Variants in TTC7B observed in about 807,000 individuals in gnomAD.
TTC7B encodes tetratricopeptide repeat domain 7B.
A neutral mutation model predicts 106.8 loss-of-function variants in TTC7B; 28 were observed. That is an observed-to-expected ratio of 0.26 (90% CI 0.19 to 0.36). TTC7B has a LOEUF of 0.36. Among genes scored for constraint, TTC7B ranks in the 10% least tolerant of loss-of-function variants. TTC7B has a pLI of 1.00. For missense variants in TTC7B, 862 were observed against 1,076.4 expected, an observed-to-expected ratio of 0.80 and a Z score of 2.79; for synonymous variants, 405 against 430.6, an observed-to-expected ratio of 0.94 and a Z score of 0.74.
chr14:90,613,850 C>T (rs977243174), intron 16 of TTC7B, among the ~76,000 whole-genome samples: 2 of 152,258 alleles, frequency 1.3e-5, no homozygotes, highest in African/African-American at 4.8e-5. Context: ...GAGATGCCCA[C>T]ATGCGTAGAT....
intron 5 of TTC7B, among the ~76,000 whole-genome samples, chr14:90,707,707 T>G (rs1259340032): frequency 1.3e-5 from 2 of 152,246 alleles, no homozygotes; most frequent in Non-Finnish European, 2.9e-5. Context: ...AACATTCCCT[T>G]AAACCAAAGC....
At chr14:90,703,460 G>A (rs1226086860) in intron 5 of TTC7B, among the ~76,000 whole-genome samples, 1 of 152,172 alleles carries the variant, frequency 6.6e-6, no homozygotes, top group Non-Finnish European at 1.5e-5. Flanking sequence ...TCGAGTGTGA[G>A]GATAAGAGTG....
chr14:90,684,851 T>C (rs1199446280), intron 7 of TTC7B, among the ~76,000 whole-genome samples: 5 of 152,138 alleles, frequency 3.3e-5, no homozygotes, highest in African/African-American at 9.7e-5. Flanking sequence ...TTTTGATTTA[T>C]TTTTCTCTAT....
intron 3 of TTC7B, among the ~76,000 whole-genome samples, chr14:90,750,326 G>T (rs1427180090): frequency 6.6e-6 from 1 of 152,190 alleles, no homozygotes; most frequent in Non-Finnish European, 1.5e-5. Flanking sequence ...CCCAGAGTAT[G>T]TCAAAGGGTC....
chr14:90,760,493 A>G (rs920530061), intron 3 of TTC7B, among the ~76,000 whole-genome samples: 1 of 152,210 alleles, frequency 6.6e-6, no homozygotes. Context: ...TAAACCTCAC[A>G]CTGGCTTGTC....
Position 90,657,469 on chromosome 14 carries a change from G to T in TTC7B, c.1237-191C>A. The T allele has an allele frequency of 2.0e-6, 1 of 510,146 alleles. No individual in the cohort carries two copies. The allele number at this position is 510,146 out of a possible 1,614,324, so 31.6% of individuals were successfully genotyped here. On this transcript the variant is annotated intron_variant, in intron 10 of 19. Coordinates refer to ENST00000328459, the MANE Select transcript of TTC7B (RefSeq NM_001010854.2). The surrounding 1 kb of genome is among the most constrained non-coding windows in gnomAD (Gnocchi z 4.2). ...CTTCTGAGTGACTGGGGAGTACACT[G>T]GGTTAAAAGCCAGCAGGAATGCTTC...
At chr14:90,622,422 A>T (rs928798473) in intron 15 of TTC7B, among the ~76,000 whole-genome samples, 2 of 151,562 alleles carry the variant, frequency 1.3e-5, no homozygotes, top group African/African-American at 2.4e-5. Flanking sequence ...CCCAGCCATG[A>T]ATCTAATTTA....
chr14:90,610,836 A>T lies in TTC7B; in HGVS notation c.1872T>A (p.Asp624Glu). Residue 624 changes from aspartate (D) to glutamate (E), a missense_variant, in exon 17 of 20, where the codon GAT becomes GAA. By Grantham distance (45) the Asp-to-Glu change is conservative. Coordinates refer to ENST00000328459, the MANE Select transcript of TTC7B (RefSeq NM_001010854.2). ...CTAAGAGGCTGCTCCCACGTCCAGAATCACTGCAAAACACAGCTACAAATG... is the reference window on the plus strand; with the variant it reads ...CTAAGAGGCTGCTCCCACGTCCAGATTCACTGCAAAACACAGCTACAAATG... ...KSCYNLTNPS[D>E]SGRGSSLLDR... 6.2e-7 allele frequency: 1 copy of T among 1,612,544 alleles called. No individual in the cohort carries two copies. The highest frequency in any genetic ancestry group is 8.5e-7 in the Non-Finnish European group (1 of 1,178,526).
At chr14:90,704,714 C>T (rs562521905) in intron 5 of TTC7B, among the ~76,000 whole-genome samples, 1 of 152,290 alleles carries the variant, frequency 6.6e-6, no homozygotes, top group South Asian at 2.1e-4. Context: ...TATGCTGAGG[C>T]GTCTGAGCTT....
At chr14:90,760,482 T>C (rs568365103) in intron 3 of TTC7B, among the ~76,000 whole-genome samples, 2 of 152,312 alleles carry the variant, frequency 1.3e-5, no homozygotes, top group East Asian at 3.9e-4. Context: ...CATGATACAT[T>C]TAAACCTCAC....
rs1257447790 is a variant in TTC7B, at chr14:90,532,015, C to T, written c.*9353G>A. The T allele has an allele frequency of 6.6e-6, 1 of 152,096 alleles. No individual in the cohort carries two copies. The highest frequency in any genetic ancestry group is 1.5e-5 in the Non-Finnish European group (1 of 68,072). The allele number at this position is 152,096 out of a possible 1,614,324, so 9.4% of individuals were successfully genotyped here. A position where few individuals can be genotyped will look rare whatever the true frequency, so the allele number is the denominator to read the frequency against. On this transcript the variant is annotated 3_prime_UTR_variant, in exon 20 of 20. Coordinates refer to ENST00000328459, the MANE Select transcript of TTC7B (RefSeq NM_001010854.2). Reference sequence around the variant, plus strand: ...TAGGCAACATGGCAAAACTCTGTCTCTGAAAAAAATTAGTGGGGCTTGGCA... The same window carrying T: ...TAGGCAACATGGCAAAACTCTGTCTTTGAAAAAAATTAGTGGGGCTTGGCA...
At chr14:90,625,384 G>A (rs1884395556) in intron 15 of TTC7B, among the ~76,000 whole-genome samples, 1 of 152,208 alleles carries the variant, frequency 6.6e-6, no homozygotes, top group African/African-American at 2.4e-5. Context: ...GTTCCCATGT[G>A]GCTGGAAGGA....
intron 3 of TTC7B, among the ~76,000 whole-genome samples, chr14:90,766,282 G>C (rs945482001): frequency 1.3e-5 from 2 of 151,698 alleles, no homozygotes; most frequent in Non-Finnish European, 2.9e-5. Flanking sequence ...AAAATGGAAA[G>C]AGCAGCCTAT....
At chr14:90,713,881 C>T (rs1888542017) in intron 5 of TTC7B, among the ~76,000 whole-genome samples, 1 of 152,168 alleles carries the variant, frequency 6.6e-6, no homozygotes, top group Non-Finnish European at 1.5e-5. Context: ...GAATGACCTG[C>T]TGATACATGC....
rs774643075 is a variant in TTC7B, at chr14:90,689,762, G to A, written c.778-50C>T. ...ATAGCCATGAATCTATCTTGTATTA[G>A]TCATTCATTCAGTCAGTCAATAAAT... is the stretch of plus-strand genomic sequence containing the variant. On this transcript the variant is annotated intron_variant, in intron 6 of 19. Transcript: ENST00000328459. 23 of 1,578,778 alleles carry A rather than the reference G, an allele frequency of 1.5e-5. No individual in the cohort carries two copies. In the East Asian group the frequency reaches 2.5e-4, roughly 17 times the overall value.
intron 19 of TTC7B, among the ~76,000 whole-genome samples, chr14:90,552,871 C>T (rs1022466503): frequency 8.5e-5 from 13 of 152,208 alleles, no homozygotes; most frequent in South Asian, 8.3e-4. Context: ...AGAACCGAAA[C>T]GGGGTGGCTG....
At chr14:90,642,183 A>G (rs1270092567) in intron 15 of TTC7B, among the ~76,000 whole-genome samples, 1 of 152,236 alleles carries the variant, frequency 6.6e-6, no homozygotes, top group Non-Finnish European at 1.5e-5. Context: ...AAAACACTGC[A>G]GCAAAGCTCT....
At chr14:90,550,758 G>A (rs577034622) in intron 19 of TTC7B, among the ~76,000 whole-genome samples, 2 of 152,252 alleles carry the variant, frequency 1.3e-5, no homozygotes, top group African/African-American at 4.8e-5. Flanking sequence ...TTGCATGTAC[G>A]GCACCTGGAG....
intron 3 of TTC7B, among the ~76,000 whole-genome samples, chr14:90,772,320 C>G (rs1183699985): frequency 6.6e-6 from 1 of 152,100 alleles, no homozygotes; most frequent in Non-Finnish European, 1.5e-5. Context: ...CAGTGAAAAG[C>G]TGAAAACAAC....
Sources: gnomAD v4.1 joint callset for allele counts (sites outside exome capture counted in the v4.1 genomes callset) on GRCh38, gnomAD v4.1.1 for gene constraint, Gnocchi (gnomAD v3.1) non-coding constraint, MANE v1.5 for transcripts, NCBI Gene and HGNC (gene_info 2026-07-23, HGNC 2026-07-21) for gene names.